Variants in TRAPPC10 observed in about 807,000 individuals in gnomAD.
TRAPPC10 encodes the protein TRAPP 130 kDa subunit.
A neutral mutation model predicts 125.5 loss-of-function variants in TRAPPC10; 23 were observed. The observed-to-expected ratio is 0.18, with a 90% CI of 0.13 to 0.26. The LOEUF is 0.26. TRAPPC10 is among the 10% of genes least tolerant of loss of function. TRAPPC10 has a pLI of 1.00. For synonymous variants in TRAPPC10, 509 were observed against 518.0 expected, an observed-to-expected ratio of 0.98 and a Z score of 0.24; for missense variants, 1,123 against 1,308.4, an observed-to-expected ratio of 0.86 and a Z score of 2.19.
intron 1 of TRAPPC10, among the ~76,000 whole-genome samples, chr21:44,028,777 T>C (rs1357040123): frequency 1.3e-5 from 2 of 152,236 alleles, no homozygotes; most frequent in African/African-American, 2.4e-5. Context: ...TGGGTGACTT[T>C]GTGAACAGGG....
intron 17 of TRAPPC10, chr21:44,089,331 T>C (rs1213591753): frequency 5.6e-6 from 2 of 356,782 alleles, no homozygotes; most frequent in Non-Finnish European, 1.1e-5. Flanking sequence ...AATAGCTTTG[T>C]CCTCACTGTG....
At position 44,055,733 on chromosome 21, in the gene TRAPPC10, C is replaced by T. The variant is rs755231932; in HGVS notation, c.518C>T (p.Ser173Phe). The stretch of plus-strand genomic sequence containing the variant: ...CTCTCCGACCCCTTGAAGGACTCTT[C>T]TCGAACTCAGGAATCCTGGAATGCC... ...VVLSDPLKDS[S>F]RTQESWNAFL... Residue 173 changes from serine (S) to phenylalanine (F), a missense_variant, in exon 5 of 23, where the codon TCT becomes TTT. By Grantham distance (155) the Ser-to-Phe change is radical (BLOSUM62 -2). Around this residue, in one of 4 missense-constraint regions of TRAPPC10, gnomAD observed 177 missense variants for 228.9 expected, o/e 0.77. Transcript: ENST00000291574. The T allele has an allele frequency of 6.2e-7, 1 of 1,612,380 alleles. No homozygotes were observed. Among genetic ancestry groups the T allele is most frequent in the Non-Finnish European group, 8.5e-7 (1 of 1,178,588 alleles).
At chr21:44,086,405 T>C (rs1434926235) in intron 15 of TRAPPC10, among the ~76,000 whole-genome samples, 1 of 152,220 alleles carries the variant, frequency 6.6e-6, no homozygotes, top group Non-Finnish European at 1.5e-5. Flanking sequence ...GTTTTGAATA[T>C]TTGAGCAGCA....
At chr21:44,076,430 C>T (rs185236328) in intron 9 of TRAPPC10, 122 bp from the exon 10 acceptor site, 166 of 696,402 alleles carry the variant, frequency 2.4e-4, no homozygotes, top group African/African-American at 1.1e-3. Flanking sequence ...TGGCATTGGC[C>T]GGTTTGTAAT....
chr21:44,035,753 G>C (rs1238706162), intron 2 of TRAPPC10, among the ~76,000 whole-genome samples: 3 of 151,666 alleles, frequency 2.0e-5, no homozygotes, highest in African/African-American at 7.3e-5. Flanking sequence ...CTCCAGCCTG[G>C]GTGACAAGAG....
At chr21:44,037,659 G>A (rs904307216) in intron 2 of TRAPPC10, 133 bp from the exon 3 acceptor site, 26 of 990,636 alleles carry the variant, frequency 2.6e-5, no homozygotes, top group Middle Eastern at 3.4e-4. Flanking sequence ...GCAGAATAGC[G>A]TAGTTATGAT....
intron 1 of TRAPPC10, among the ~76,000 whole-genome samples, chr21:44,030,953 C>T (rs989924170): frequency 2.6e-5 from 4 of 152,150 alleles, no homozygotes; most frequent in South Asian, 2.1e-4. Flanking sequence ...CTCCTCTGGC[C>T]GAGCTCTTCT....
chr21:44,047,565 T>TGTGTGTGTGCGCGC (rs954810521), intron 3 of TRAPPC10, among the ~76,000 whole-genome samples: 3 of 147,090 alleles, frequency 2.0e-5, no homozygotes, highest in Non-Finnish European at 3.0e-5. Context: ...TGTGTGTGTG[T>TGTGTGTGTGCGCGC]GCGCGCACAC....
intron 7 of TRAPPC10, among the ~76,000 whole-genome samples, chr21:44,071,018 C>T (rs1294711306): frequency 6.6e-6 from 1 of 152,170 alleles, no homozygotes; most frequent in Non-Finnish European, 1.5e-5. Flanking sequence ...TAAACTGTGG[C>T]CAACTTGTAG....
At chr21:44,071,963 C>G (rs759391984) in intron 7 of TRAPPC10, among the ~76,000 whole-genome samples, 2 of 152,188 alleles carry the variant, frequency 1.3e-5, no homozygotes, top group Non-Finnish European at 2.9e-5. Context: ...CTCCCACCTC[C>G]TTCAGGATGG....
intron 20 of TRAPPC10, among the ~76,000 whole-genome samples, chr21:44,094,438 C>T (rs1285461401): frequency 2.0e-5 from 3 of 152,094 alleles, no homozygotes; most frequent in Admixed American, 6.5e-5. Flanking sequence ...TCTGAGATGC[C>T]CACACTCCTG....
chr21:44,054,106 C>A (rs181457213), intron 4 of TRAPPC10, among the ~76,000 whole-genome samples: 9 of 152,264 alleles, frequency 5.9e-5, no homozygotes, highest in Admixed American at 5.9e-4. Flanking sequence ...TAATTATAAT[C>A]CTTGAGAATG....
At chr21:44,021,050 T>A (rs993696888) in intron 1 of TRAPPC10, among the ~76,000 whole-genome samples, 5 of 152,214 alleles carry the variant, frequency 3.3e-5, no homozygotes, top group African/African-American at 1.2e-4. Context: ...AATGTCACTT[T>A]AGCATTCTAA....
chr21:44,076,633 G>A lies in TRAPPC10; in HGVS notation c.1377+5G>A. On this transcript the variant is annotated splice_donor_5th_base_variant and intron_variant, in intron 10 of 22. Coordinates refer to ENST00000291574, the MANE Select transcript of TRAPPC10 (RefSeq NM_003274.5). The stretch of plus-strand genomic sequence containing the variant: ...GCTTTTGAAAAACACTACTTAGTAA[G>A]TATTAACAAGTGTTCAATGTCTGTT... 1 of 1,599,612 alleles carries A rather than the reference G, an allele frequency of 6.3e-7. No homozygotes were observed. Among genetic ancestry groups the A allele is most frequent in the Non-Finnish European group, 8.6e-7 (1 of 1,166,836 alleles).
chr21:44,089,466 C>T (rs1244084602), intron 17 of TRAPPC10: 3 of 440,800 alleles, frequency 6.8e-6, no homozygotes, highest in African/African-American at 4.0e-5. Flanking sequence ...TGACTGAAAG[C>T]ACTTTGTCAA....
Position 44,075,172 on chromosome 21 carries a change from C to T in TRAPPC10, c.1300+19C>T. ...GAAACAGGTACTTTTTTGTATATACCTGTGTGAGTGGTGAGGTGGACAGTA... is the reference window on the plus strand; with the variant it reads ...GAAACAGGTACTTTTTTGTATATACTTGTGTGAGTGGTGAGGTGGACAGTA... On this transcript the variant is annotated intron_variant, in intron 9 of 22. Transcript: ENST00000291574. 1 of 1,546,920 alleles carries T rather than the reference C, an allele frequency of 6.5e-7. No individual in the cohort carries two copies. Among genetic ancestry groups the T allele is most frequent in the African/African-American group, 1.4e-5 (1 of 73,526 alleles).
chr21:44,077,614 T>G, intron 10 of TRAPPC10, 79 bp from the exon 11 acceptor site: 151 of 1,116,216 alleles, frequency 1.4e-4, no homozygotes, highest in Middle Eastern at 4.1e-4. Flanking sequence ...GTCTTTTGTG[T>G]GAGCTTTAGG....
chr21:44,086,948 T>C lies in TRAPPC10; in HGVS notation c.2527T>C (p.Ser843Pro). 1 of 1,614,038 alleles carries C rather than the reference T, an allele frequency of 6.2e-7. No homozygotes were observed. The highest frequency in any genetic ancestry group is 1.1e-5 in the South Asian group (1 of 91,082). ...GGCGGAGAGCAGGGCTGTGGTCTAC[T>C]CCAACACGAGAGGTGAGGTGCCGCC... ...CQAESRAVVYSNTREQSSEAA... is the reference protein window; with the variant it reads ...CQAESRAVVYPNTREQSSEAA... Residue 843 changes from serine to proline, a missense_variant, in exon 16 of 23, where the codon TCC becomes CCC. This residue lies in a region of TRAPPC10 where 840 missense variants were observed against 902.0 expected (regional missense o/e 0.93). Coordinates refer to ENST00000291574, the MANE Select transcript of TRAPPC10 (RefSeq NM_003274.5).
At chr21:44,055,505 G>A (rs2035517313) in intron 4 of TRAPPC10, among the ~76,000 whole-genome samples, 193 bp from the exon 5 acceptor site, 1 of 151,574 alleles carries the variant, frequency 6.6e-6, no homozygotes, top group Non-Finnish European at 1.5e-5. Flanking sequence ...TGGAGCCTGG[G>A]AGGTGGAGGT....
Sources: gnomAD v4.1 joint callset for allele counts (sites outside exome capture counted in the v4.1 genomes callset) on GRCh38, gnomAD v4.1.1 for gene constraint, gnomAD v4.1.1 regional missense constraint, MANE v1.5 for transcripts, NCBI Gene and HGNC (gene_info 2026-07-23, HGNC 2026-07-21) for gene names.